Variants in G6PD observed in about 807,000 individuals in gnomAD.
The protein encoded by G6PD is glucose-6-phosphate dehydrogenase.
G6PD carries 2 observed loss-of-function variants against 38.2 expected under a neutral mutation model. The ratio of observed to expected loss-of-function variants is 0.05; its 90% CI spans 0.02 to 0.16. The LOEUF (loss-of-function observed/expected upper bound fraction) is 0.16. Among genes scored for constraint, G6PD ranks in the 10% least tolerant of loss-of-function variants. The pLI, the probability that G6PD is intolerant of heterozygous loss-of-function variation, is 1.00. For missense variants in G6PD, 310 were observed against 471.6 expected (o/e 0.66, Z 3.17); for synonymous variants, 188 against 196.0 (o/e 0.96, Z 0.34).
intron 2 of G6PD, among the ~76,000 whole-genome samples, chrX:154,537,475 C>G (rs1005787350): frequency 9.0e-6 from 1 of 111,211 alleles, no homozygotes; most frequent in African/African-American, 3.3e-5. Context: ...ATTGGCTGGG[C>G]ATGGTGGCCC....
intron 2 of G6PD, 198 bp downstream of exon 2, chrX:154,545,838 A>C: frequency 7.0e-6 from 1 of 142,658 alleles, no homozygotes; most frequent in Admixed American, 9.2e-5. Context: ...TCCGTCTCCA[A>C]AAAAAAAAAA....
intron 8 of G6PD, 69 bp from the exon 9 acceptor site, chrX:154,533,197 C>CTCTG: frequency 9.1e-7 from 1 of 1,102,867 alleles, no homozygotes; most frequent in South Asian, 1.9e-5. Context: ...TGACTGTGGC[C>CTCTG]ACAGATGTGC....
At chrX:154,538,416 T>G in intron 2 of G6PD, among the ~76,000 whole-genome samples, 1 of 112,451 alleles carries the variant, frequency 8.9e-6, no homozygotes, top group East Asian at 2.8e-4. Context: ...GGTTTGATAT[T>G]AACAGAAAAA....
chrX:154,545,262 C>G (rs782672103), intron 2 of G6PD, among the ~76,000 whole-genome samples: 5 of 111,348 alleles, frequency 4.5e-5, no homozygotes, highest in Non-Finnish European at 9.4e-5. Flanking sequence ...TGGGGTGAGG[C>G]AGAGCTCCTT....
rs1557233196 is a variant in G6PD, at chrX:154,546,106, C to T, written c.50G>A (p.Arg17Gln). The T allele has an allele frequency of 2.0e-5, 24 of 1,211,673 alleles. No individual in the cohort carries two copies. Among genetic ancestry groups the T allele is most frequent in the Non-Finnish European group, 2.6e-5 (23 of 895,375 alleles). Residue 17 changes from arginine (R) to glutamine (Q), a missense_variant, in exon 2 of 13, where the codon CGG becomes CAG. Around this residue, in one of 4 missense-constraint regions of G6PD, gnomAD observed 29 missense variants for 28.2 expected, o/e 1.03. Coordinates refer to ENST00000393562, the MANE Select transcript of G6PD (RefSeq NM_001360016.2). ...LSRTQVCGIL[R>Q]EELFQGDAFH... ...GGCATCGCCCTGGAAAAGCTCTTCC[C>T]GCAGGATCCCGCACACCTGGGTCCG...
chrX:154,547,208 C>A, upstream of G6PD: 2 of 466,010 alleles, frequency 4.3e-6, no homozygotes, highest in Non-Finnish European at 5.3e-6. Flanking sequence ...TCGCGGAGGG[C>A]TCCACTTCCG....
upstream of G6PD, chrX:154,546,858 C>T (rs1557233582): frequency 2.7e-6 from 3 of 1,114,449 alleles, no homozygotes; most frequent in Admixed American, 2.9e-5. Context: ...GGGGCTGAGC[C>T]CCGCCGGCCC....
At chrX:154,547,266 C>T (rs782786606), upstream of G6PD, 33 of 694,001 alleles carry the variant, frequency 4.8e-5, no homozygotes, top group Non-Finnish European at 5.3e-5. Flanking sequence ...GGCTCCTGGG[C>T]GGGGCCTTCT....
chrX:154,546,794 C>A lies in G6PD; in HGVS notation c.-14G>T. The A allele has an allele frequency of 1.7e-6, 2 of 1,162,583 alleles. No homozygotes were observed. The highest frequency in any genetic ancestry group is 2.3e-6 in the Non-Finnish European group (2 of 872,724). On this transcript the variant is annotated 5_prime_UTR_variant, in exon 1 of 13. Coordinates refer to ENST00000393562, the MANE Select transcript of G6PD (RefSeq NM_001360016.2). The stretch of plus-strand genomic sequence containing the variant: ...GCGCCCGCCCGGCCGGTTACCTGCG[C>A]TTCGTCGTCGTCGCCCTCCGCGCTC...
intron 1 of G6PD, 25 bp downstream of exon 1, chrX:154,546,764 G>C (rs1557233462): frequency 1.8e-6 from 2 of 1,134,274 alleles, no homozygotes; most frequent in South Asian, 3.9e-5. Context: ...TCCTCCGCCT[G>C]CGCGGCGCCC....
chrX:154,531,649 T>G lies in G6PD; in HGVS notation c.*351A>C. On this transcript the variant is annotated 3_prime_UTR_variant, in exon 13 of 13. Coordinates refer to ENST00000393562, the MANE Select transcript of G6PD (RefSeq NM_001360016.2). ...TCGCCCCTTTCCTCCCCCTCGTCCC[T>G]CCCTCCCACCCTGGCCCCACTCAGG... is the stretch of plus-strand genomic sequence containing the variant. 1 of 200,013 alleles carries G rather than the reference T, an allele frequency of 5.0e-6. No homozygotes were observed. The highest frequency in any genetic ancestry group is 1.4e-4 in the East Asian group (1 of 7,344). 16.5% of individuals were successfully genotyped at this position (200,013 alleles called of 1,213,427 possible). A position where few individuals can be genotyped will look rare whatever the true frequency, so the allele number is the denominator to read the frequency against.
rs782205676 is a variant in G6PD at position 154,535,246 on chromosome X, C to T, written c.407G>A (p.Arg136His). 1.4e-5 allele frequency: 17 copies of T among 1,211,758 alleles called. No homozygotes were observed. Among genetic ancestry groups the T allele is most frequent in the Non-Finnish European group, 1.0e-5 (9 of 895,441 alleles). ...NALHLGSQAN[R>H]LFYLALPPTV... The stretch of plus-strand genomic sequence containing the variant: ...CGGGGGCAAGGCCAGGTAGAAGAGG[C>T]GGTTGGCCTGTGACCCCAGGTGGAG... The change falls in exon 5 of 13, where the codon CGC becomes CAC. Residue 136 changes from arginine (R) to histidine (H), a missense_variant. Arg to His is a conservative substitution (Grantham distance 29, BLOSUM62 0). Around this residue, in one of 4 missense-constraint regions of G6PD, gnomAD observed 96 missense variants for 93.3 expected, o/e 1.03. Coordinates refer to ENST00000393562, the MANE Select transcript of G6PD (RefSeq NM_001360016.2).
intron 10 of G6PD, 48 bp from the exon 11 acceptor site, chrX:154,532,510 G>A (rs782283719): frequency 7.5e-6 from 9 of 1,203,959 alleles, no homozygotes; most frequent in Admixed American, 2.2e-5. Flanking sequence ...GCCACCATGT[G>A]GAGTCCCCCG....
intron 4 of G6PD, 135 bp from the exon 5 acceptor site, chrX:154,535,520 G>C (rs2070398185): frequency 1.7e-6 from 1 of 572,709 alleles, no homozygotes; most frequent in Non-Finnish European, 2.9e-6. Flanking sequence ...CAGTGTCCCC[G>C]TCCCACACTG....
chrX:154,535,414 G>T, intron 4 of G6PD, 29 bp from the exon 5 acceptor site: 1 of 1,149,471 alleles, frequency 8.7e-7, no homozygotes, highest in Non-Finnish European at 1.2e-6. Context: ...CAGACACACA[G>T]ACAGATGTCA....
At chrX:154,547,207 G>A, upstream of G6PD, 1 of 454,457 alleles carries the variant, frequency 2.2e-6, no homozygotes, top group Non-Finnish European at 2.7e-6. Context: ...CTCGCGGAGG[G>A]CTCCACTTCC....
chrX:154,546,714 T>C (rs1299378666), intron 1 of G6PD, 75 bp downstream of exon 1: 2 of 849,843 alleles, frequency 2.4e-6, no homozygotes, highest in East Asian at 7.3e-5. Flanking sequence ...ACAAACAGCG[T>C]GTATTTTACC....
chrX:154,533,391 G>A (rs1004880303), intron 8 of G6PD, 185 bp downstream of exon 8: 1 of 536,658 alleles, frequency 1.9e-6, no homozygotes, highest in African/African-American at 2.3e-5. Flanking sequence ...TCAGGCCTGG[G>A]ACATGACAAC....
At chrX:154,546,735 G>T in intron 1 of G6PD, 54 bp downstream of exon 1, 1 of 987,185 alleles carries the variant, frequency 1.0e-6, no homozygotes. Flanking sequence ...GCCGCGCGGC[G>T]CAGCGCGGGA....
Sources: gnomAD v4.1 joint callset for allele counts (sites outside exome capture counted in the v4.1 genomes callset) on GRCh38, gnomAD v4.1.1 for gene constraint, gnomAD v4.1.1 regional missense constraint, MANE v1.5 for transcripts, NCBI Gene and HGNC (gene_info 2026-07-23, HGNC 2026-07-21) for gene names.